Variants in PPM1F observed in about 807,000 individuals in gnomAD.
PPM1F encodes protein phosphatase 1F.
Under a neutral mutation model 35.5 loss-of-function variants are expected in PPM1F, and 17 were observed. That is an observed-to-expected ratio of 0.48 (90% confidence interval 0.33 to 0.72). The LOEUF is 0.72. Ranked by LOEUF, PPM1F falls within the 30% of genes least tolerant of loss-of-function variation. The probability of loss-of-function intolerance (pLI) is 0.02; values close to 1 mark genes in which losing one functional copy is unlikely to be tolerated. For synonymous variants in PPM1F, 241 were observed against 255.5 expected, an observed-to-expected ratio of 0.94 and a Z score of 0.54; for missense variants, 521 against 613.0, an observed-to-expected ratio of 0.85 and a Z score of 1.59.
intron 3 of PPM1F, 113 bp from the exon 4 acceptor site, chr22:21,934,339 G>A: frequency 2.5e-6 from 2 of 810,720 alleles, no homozygotes; most frequent in Non-Finnish European, 3.9e-6. Context: ...CACCTCCCGG[G>A]GCATTGTGAG....
intron 6 of PPM1F, among the ~76,000 whole-genome samples, chr22:21,929,350 T>C (rs1490510444): frequency 1.3e-5 from 2 of 152,180 alleles, no homozygotes; most frequent in Non-Finnish European, 2.9e-5. Context: ...TTGTGCAAGC[T>C]CTGATCTCTG....
rs1202815691 is a variant in PPM1F, at chr22:21,939,495, G to A, written c.355+37C>T. The A allele has an allele frequency of 6.2e-7, 1 of 1,607,060 alleles. No individual in the cohort carries two copies. Among genetic ancestry groups the A allele is most frequent in the Admixed American group, 1.7e-5 (1 of 59,138 alleles). On this transcript the variant is annotated intron_variant, in intron 3 of 7. Transcript: ENST00000263212. This position sits in a 1 kb window ranked among gnomAD's most constrained non-coding sequence, Gnocchi z 5.1. ...GTCGTCACCCTTTGTTGCCTGCTAA[G>A]CAGCCCTGGGGCCACCTCAGAAGAA...
At chr22:21,925,486 C>G in intron 7 of PPM1F, 83 bp downstream of exon 7, 1 of 1,191,142 alleles carries the variant, frequency 8.4e-7, no homozygotes. Flanking sequence ...CCTCCCTGAA[C>G]CCCTGGTGAG....
intron 2 of PPM1F, chr22:21,945,226 G>A (rs2070764933): frequency 6.6e-6 from 1 of 152,446 alleles, no homozygotes. Context: ...ACATTGGCTG[G>A]AGTGGCTCAT....
rs748666162 is a variant in PPM1F at position 21,939,698 on chromosome 22, G to T, written c.207-18C>A. The T allele has an allele frequency of 6.4e-7, 1 of 1,551,346 alleles. No individual in the cohort carries two copies. The highest frequency in any genetic ancestry group is 2.4e-5 in the East Asian group (1 of 40,908). ...GGGCCTTCCTAGGGATGAGGAGGGG[G>T]AAGTGAGGGGCAGCCCCCAGCAGGA... On this transcript the variant is annotated intron_variant, in intron 2 of 7. Coordinates refer to ENST00000263212, the MANE Select transcript of PPM1F (RefSeq NM_014634.4). The surrounding 1 kb of genome is among the most constrained non-coding windows in gnomAD (Gnocchi z 5.1).
rs2070449839 is a variant in PPM1F, at chr22:21,921,703, T to A, written c.*1389A>T. ...AGCAGCATCCCTGCTGCCTCCAGAC[T>A]GAGACAGAGACCCACGGGCTGCCTC... On this transcript the variant is annotated 3_prime_UTR_variant, in exon 8 of 8. Coordinates refer to ENST00000263212, the MANE Select transcript of PPM1F (RefSeq NM_014634.4). The A allele has an allele frequency of 6.6e-6, 1 of 152,304 alleles. No homozygotes were observed. Among genetic ancestry groups the A allele is most frequent in the Non-Finnish European group, 1.5e-5 (1 of 68,082 alleles). 9.4% of individuals were successfully genotyped at this position (152,304 alleles called of 1,614,324 possible). A position where few individuals can be genotyped will look rare whatever the true frequency, so the allele number is the denominator to read the frequency against.
Position 21,931,139 on chromosome 22 carries a change from T to A in PPM1F, c.891+9A>T. 12 of 1,613,826 alleles carry A rather than the reference T, an allele frequency of 7.4e-6. No homozygotes were observed. The highest frequency in any genetic ancestry group is 9.3e-6 in the Non-Finnish European group (11 of 1,179,842). On this transcript the variant is annotated intron_variant, in intron 6 of 7. Coordinates refer to ENST00000263212, the MANE Select transcript of PPM1F (RefSeq NM_014634.4). Reference sequence around the variant, plus strand: ...AATATCCTGGGCCTGGGCGCAGGGATCCCCTTACCTGCCGTTCTGGTCTGT... The same window carrying A: ...AATATCCTGGGCCTGGGCGCAGGGAACCCCTTACCTGCCGTTCTGGTCTGT...
chr22:21,942,047 C>T (rs1601790058), intron 2 of PPM1F: 1 of 152,360 alleles, frequency 6.6e-6, no homozygotes, highest in Non-Finnish European at 1.5e-5. Context: ...GCCCTGGAAG[C>T]TGGACAACAC....
At chr22:21,938,705 G>A in intron 3 of PPM1F, 3 of 651,712 alleles carry the variant, frequency 4.6e-6, no homozygotes, top group Non-Finnish European at 5.7e-6. Flanking sequence ...TCAGCTGGGT[G>A]GGACGTTGCT....
chr22:21,936,049 C>T (rs1221789255), intron 3 of PPM1F: 1 of 152,108 alleles, frequency 6.6e-6, no homozygotes, highest in African/African-American at 2.4e-5. Context: ...GGTATATCTA[C>T]TCCCAGCTAT....
rs766007353 is a variant in PPM1F, at chr22:21,934,132, G to A, written c.450C>T (p.Ala150=). ...WQKQVPLAAR[A]SQRQWLVSIH... ...TGGAGACCAGCCACTGCCGCTGTGA[G>A]GCCCGGGCAGCCAATGGCACCTGCT... The change falls in exon 4 of 8, where the codon GCC becomes GCT. Residue 150 remains alanine, a synonymous_variant. Transcript: ENST00000263212. The A allele has an allele frequency of 1.1e-5, 17 of 1,571,952 alleles. No homozygotes were observed. Among genetic ancestry groups the A allele is most frequent in the Non-Finnish European group, 1.5e-5 (17 of 1,158,842 alleles).
intron 6 of PPM1F, among the ~76,000 whole-genome samples, chr22:21,928,638 A>G (rs942903971): frequency 1.3e-5 from 2 of 152,064 alleles, no homozygotes; most frequent in Non-Finnish European, 2.9e-5. Context: ...GCTGGAGTGC[A>G]GTGTCATGAA....
intron 2 of PPM1F, chr22:21,943,662 C>G (rs2070748456): frequency 6.6e-6 from 1 of 152,612 alleles, no homozygotes; most frequent in Non-Finnish European, 1.5e-5. Flanking sequence ...CCTGCACTGC[C>G]TACTCACTCC....
chr22:21,948,130 T>C (rs2070795251), intron 1 of PPM1F: 1 of 151,132 alleles, frequency 6.6e-6, no homozygotes, highest in African/African-American at 2.4e-5. Flanking sequence ...CAAGTAGGAG[T>C]AAATTTAATG....
At position 21,929,782 on chromosome 22, in the gene PPM1F, C is replaced by T. The variant is rs1023594401; in HGVS notation, c.891+1366G>A. Among the ~76,000 whole-genome samples, 6 of 152,224 alleles carry T rather than the reference C, an allele frequency of 3.9e-5. No homozygotes were observed. In the East Asian group the frequency reaches 9.6e-4, roughly 24 times the overall value. On this transcript the variant is annotated intron_variant, in intron 6 of 7. Transcript: ENST00000263212. ...TCTCCTCTGTACAATGGGGAGAGGA[C>T]GTACAGGGGGCCCATACCAGACCGT...
chr22:21,927,939 TTTG>T (rs2070536996), intron 6 of PPM1F, among the ~76,000 whole-genome samples: 16 of 127,440 alleles, frequency 1.3e-4, no homozygotes, highest in African/African-American at 4.8e-4. Context: ...TGTTTTTTGT[TTTG>T]TTTTTTTTTT....
intron 1 of PPM1F, chr22:21,947,928 T>C (rs1216630833): frequency 2.6e-5 from 4 of 151,958 alleles, no homozygotes; most frequent in Non-Finnish European, 5.9e-5. Flanking sequence ...GTCTGATCAG[T>C]GAGGGATTTG....
intron 1 of PPM1F, chr22:21,949,321 G>C (rs2070811130): frequency 6.6e-6 from 1 of 152,256 alleles, no homozygotes; most frequent in African/African-American, 2.4e-5. Flanking sequence ...GGTGAGGAGA[G>C]AAACCAGGAC....
intron 6 of PPM1F, chr22:21,925,973 C>A: frequency 3.1e-6 from 1 of 324,822 alleles, no homozygotes; most frequent in Admixed American, 4.5e-5. Context: ...GCTTGCGAGC[C>A]CGACACAGAC....
Sources: allele counts gnomAD v4.1 joint callset (sites outside exome capture counted in the v4.1 genomes callset), GRCh38; gene constraint gnomAD v4.1.1; non-coding constraint Gnocchi (gnomAD v3.1); transcripts MANE v1.5; gene names NCBI Gene and HGNC (gene_info 2026-07-23, HGNC 2026-07-21).